The following CHD9 variants were observed in gnomAD, a reference collection of about 807,000 sequenced individuals.
CHD9 encodes the protein ATP-dependent chromatin remodeler CHD9.
CHD9 carries 77 observed loss-of-function variants against 316.1 expected under a neutral mutation model. The observed-to-expected ratio is 0.24, with a 90% CI of 0.20 to 0.29. The LOEUF (loss-of-function observed/expected upper bound fraction) is 0.29. CHD9 is among the 10% of genes least tolerant of loss of function. CHD9 has a pLI of 1.00. For synonymous variants in CHD9, 1,129 were observed against 1,158.3 expected (o/e 0.97, Z 0.51); for missense variants, 2,763 against 3,438.1 (o/e 0.80, Z 4.91).
chr16:53,314,473 G>A lies in CHD9; in HGVS notation c.7319G>A (p.Gly2440Asp). Residue 2440 changes from glycine to aspartate, a missense_variant, in exon 35 of 39, where the codon GGT (glycine) becomes GAT (aspartate). Physicochemically the swap from Gly to Asp is moderately conservative, Grantham distance 94. Coordinates refer to ENST00000447540, the MANE Select transcript of CHD9 (RefSeq NM_001308319.2). Reference protein sequence around the residue: ...KRRGRRKNVEGVDIFFFNRNK... With the variant: ...KRRGRRKNVEDVDIFFFNRNK... ...CGAGGAAGGAGGAAGAATGTAGAAG[G>A]TGTTGACATCTTCTTTTTTAACAGA... The A allele has an allele frequency of 6.3e-7, 1 of 1,581,924 alleles. No homozygotes were observed.
chr16:53,133,161 T>G (rs1183564781), intron 1 of CHD9, among the ~76,000 whole-genome samples: 1 of 152,132 alleles, frequency 6.6e-6, no homozygotes, highest in Non-Finnish European at 1.5e-5. Context: ...AGGGTAACTG[T>G]CATTCCTGAA....
intron 32 of CHD9, 100 bp from the exon 33 acceptor site, chr16:53,307,581 T>C: frequency 9.7e-7 from 1 of 1,032,832 alleles, no homozygotes; most frequent in Non-Finnish European, 1.4e-6. Flanking sequence ...CATACACATA[T>C]GTTGAACTAG....
chr16:53,306,984 C>T (rs1192169436), intron 32 of CHD9, among the ~76,000 whole-genome samples: 5 of 151,874 alleles, frequency 3.3e-5, no homozygotes, highest in African/African-American at 7.3e-5. Context: ...TTCACCATGT[C>T]GGCCAGGATG....
At chr16:53,221,536 C>T (rs747370437) in intron 3 of CHD9, among the ~76,000 whole-genome samples, 2 of 152,088 alleles carry the variant, frequency 1.3e-5, no homozygotes, top group African/African-American at 2.4e-5. Context: ...CATGCCCCTG[C>T]ATCTGTTGAA....
chr16:53,231,294 C>T, intron 8 of CHD9, 125 bp from the exon 9 acceptor site: 8 of 525,524 alleles, frequency 1.5e-5, no homozygotes, highest in South Asian at 3.2e-5. Context: ...GGAAGAATTC[C>T]ATTTATTGGA....
intron 2 of CHD9, among the ~76,000 whole-genome samples, chr16:53,201,002 A>G (rs779036262): frequency 9.8e-5 from 15 of 152,346 alleles, no homozygotes; most frequent in Non-Finnish European, 2.1e-4. Flanking sequence ...GCCCTATTAG[A>G]TGAATACTGT....
intron 1 of CHD9, among the ~76,000 whole-genome samples, chr16:53,119,279 G>A (rs1450343686): frequency 1.3e-5 from 2 of 151,906 alleles, no homozygotes; most frequent in African/African-American, 2.4e-5. Context: ...TAAAGCTGGG[G>A]AGGGAAGAAG....
rs983875704 is a variant in CHD9 at position 53,243,020 on chromosome 16, A to G, written c.3054+4A>G. ...GGGCCTGAAACTCATGAATCTGGTAAGTAACTTAATATTATCATTATGACA... is the reference window on the plus strand; with the variant it reads ...GGGCCTGAAACTCATGAATCTGGTAGGTAACTTAATATTATCATTATGACA... On this transcript the variant is annotated splice_donor_region_variant and intron_variant, in intron 13 of 38. Coordinates refer to ENST00000447540, the MANE Select transcript of CHD9 (RefSeq NM_001308319.2). 1.3e-6 allele frequency: 2 copies of G among 1,572,908 alleles called. No individual in the cohort carries two copies. The highest frequency in any genetic ancestry group is 2.2e-5 in the South Asian group (2 of 90,010).
intron 2 of CHD9, among the ~76,000 whole-genome samples, chr16:53,171,169 G>C (rs2042687748): frequency 6.6e-6 from 1 of 152,094 alleles, no homozygotes; most frequent in Non-Finnish European, 1.5e-5. Context: ...TAGCACTTTG[G>C]GAGGCCAAGG....
Position 53,157,550 on chromosome 16 carries a change from C to G in CHD9, c.1452+9C>G, listed in dbSNP as rs375530801. The G allele has an allele frequency of 6.3e-7, 1 of 1,591,360 alleles. No individual in the cohort carries two copies. Among genetic ancestry groups the G allele is most frequent in the African/African-American group, 1.4e-5 (1 of 74,058 alleles). ...TATGTTTACAGCGACAGGTATGTAGCTCTTTGCTTTTATTTTGGAGATTTG... is the reference window on the plus strand; with the variant it reads ...TATGTTTACAGCGACAGGTATGTAGGTCTTTGCTTTTATTTTGGAGATTTG... On this transcript the variant is annotated intron_variant, in intron 2 of 38. Transcript: ENST00000447540.
chr16:53,160,672 C>T (rs1471867831), intron 2 of CHD9, among the ~76,000 whole-genome samples: 2 of 152,062 alleles, frequency 1.3e-5, no homozygotes, highest in South Asian at 2.1e-4. Flanking sequence ...TTTGGGAGGC[C>T]GCGGTGGGTG....
At chr16:53,125,434 C>T (rs919560708) in intron 1 of CHD9, among the ~76,000 whole-genome samples, 5 of 151,936 alleles carry the variant, frequency 3.3e-5, no homozygotes, top group African/African-American at 1.2e-4. Flanking sequence ...AGCTGGTTAA[C>T]CATGTTGGCC....
chr16:53,222,925 A>C (rs574032549), intron 4 of CHD9, among the ~76,000 whole-genome samples, 170 bp downstream of exon 4: 1 of 152,326 alleles, frequency 6.6e-6, no homozygotes, highest in East Asian at 1.9e-4. Flanking sequence ...TTACCATAGA[A>C]TATTAGATGT....
chr16:53,180,494 T>G (rs140013003), intron 2 of CHD9, among the ~76,000 whole-genome samples: 5 of 152,100 alleles, frequency 3.3e-5, no homozygotes, highest in Non-Finnish European at 7.4e-5. Context: ...TTTGAAACTT[T>G]TAGTGATGTA....
At chr16:53,066,681 G>T (rs1222567681) in intron 1 of CHD9, among the ~76,000 whole-genome samples, 1 of 152,066 alleles carries the variant, frequency 6.6e-6, no homozygotes, top group Admixed American at 6.6e-5. Context: ...CTTGGTGTGA[G>T]CTATAGCTTC....
chr16:53,063,830 C>CTT (rs60131017), intron 1 of CHD9, among the ~76,000 whole-genome samples: 143 of 135,410 alleles, frequency 1.1e-3, no homozygotes, highest in African/African-American at 2.3e-3. Context: ...CATGCCTGGC[C>CTT]TTTTTTTTTT....
intron 1 of CHD9, among the ~76,000 whole-genome samples, chr16:53,073,522 T>C (rs1567308423): frequency 6.6e-6 from 1 of 152,224 alleles, no homozygotes; most frequent in Non-Finnish European, 1.5e-5. Context: ...CTAGATCATA[T>C]GGTAATATGG....
At chr16:53,227,120 A>G (rs955061826) in intron 5 of CHD9, 1 of 254,742 alleles carries the variant, frequency 3.9e-6, no homozygotes, top group African/African-American at 2.3e-5. Context: ...AATAATGAAG[A>G]TAATAGATTA....
chr16:53,177,331 C>A (rs1246885198), intron 2 of CHD9, among the ~76,000 whole-genome samples: 1 of 151,950 alleles, frequency 6.6e-6, no homozygotes, highest in Non-Finnish European at 1.5e-5. Flanking sequence ...AGGCATGAAC[C>A]CAGATTTGAG....
Sources: gnomAD v4.1 joint callset for allele counts (sites outside exome capture counted in the v4.1 genomes callset) on GRCh38, gnomAD v4.1.1 for gene constraint, MANE v1.5 for transcripts, NCBI Gene and HGNC (gene_info 2026-07-23, HGNC 2026-07-21) for gene names.